CNTN4: variants seen among roughly 807,000 people sequenced by gnomAD.
CNTN4 encodes the protein contactin 4, also known as contactin-4.
A neutral mutation model predicts 122.5 loss-of-function variants in CNTN4; 77 were observed. That is an observed-to-expected ratio of 0.63 (90% confidence interval 0.52 to 0.76). CNTN4 has a LOEUF of 0.76. Among genes scored for constraint, CNTN4 ranks in the 30% least tolerant of loss-of-function variants. CNTN4 has a pLI of 0.00. For missense variants in CNTN4, 1,256 were observed against 1,259.1 expected, an observed-to-expected ratio of 1.00 and a Z score of 0.04; for synonymous variants, 512 against 447.0, an observed-to-expected ratio of 1.15 and a Z score of -1.83.
At chr3:2,141,305 T>C (rs1328702946) in intron 2 of CNTN4, among the ~76,000 whole-genome samples, 1 of 152,162 alleles carries the variant, frequency 6.6e-6, no homozygotes, top group Non-Finnish European at 1.5e-5. Context: ...GGACCTAATA[T>C]TTTATAAGTG....
At chr3:2,521,589 A>C (rs1307670471) in intron 3 of CNTN4, among the ~76,000 whole-genome samples, 1 of 152,134 alleles carries the variant, frequency 6.6e-6, no homozygotes, top group African/African-American at 2.4e-5. Flanking sequence ...AAAGATAATA[A>C]TTTAGAAGTA....
chr3:2,792,241 C>T (rs553147146), intron 6 of CNTN4, among the ~76,000 whole-genome samples: 1 of 152,200 alleles, frequency 6.6e-6, no homozygotes, highest in East Asian at 1.9e-4. Context: ...GTTTTCCTGA[C>T]AAGGATTCTA....
intron 2 of CNTN4, among the ~76,000 whole-genome samples, chr3:2,123,015 A>G (rs950850829): frequency 6.6e-6 from 1 of 152,124 alleles, no homozygotes; most frequent in Non-Finnish European, 1.5e-5. Flanking sequence ...AGCCATTCTG[A>G]TCTTTGAATT....
intron 3 of CNTN4, among the ~76,000 whole-genome samples, chr3:2,404,746 C>A (rs569634733): frequency 2.6e-5 from 4 of 152,240 alleles, no homozygotes; most frequent in African/African-American, 9.6e-5. Context: ...TAAATGGGAA[C>A]CTTTGAGGGA....
At chr3:2,236,455 A>G (rs2039685491) in intron 2 of CNTN4, among the ~76,000 whole-genome samples, 1 of 152,212 alleles carries the variant, frequency 6.6e-6, no homozygotes, top group Non-Finnish European at 1.5e-5. Flanking sequence ...AGTGAAACTG[A>G]CTTTATTCTA....
chr3:2,217,610 C>G (rs1161429252), intron 2 of CNTN4, among the ~76,000 whole-genome samples: 1 of 152,102 alleles, frequency 6.6e-6, no homozygotes, highest in East Asian at 1.9e-4. Context: ...GGTGGCCAAG[C>G]TGCAAATGAC....
At chr3:2,816,302 C>T (rs896198193) in intron 6 of CNTN4, among the ~76,000 whole-genome samples, 7 of 148,116 alleles carry the variant, frequency 4.7e-5, no homozygotes, top group Non-Finnish European at 1.5e-5. Context: ...TGCAATGAGC[C>T]GAGATCGTGG....
chr3:3,054,026 G>A (rs1290361223), intron 24 of CNTN4, 51 bp downstream of exon 24: 2 of 1,589,400 alleles, frequency 1.3e-6, no homozygotes, highest in South Asian at 1.1e-5. Flanking sequence ...TATCTTATCA[G>A]CCTTCCAGAT....
At chr3:2,895,212 A>T (rs916147065) in intron 10 of CNTN4, among the ~76,000 whole-genome samples, 5 of 152,072 alleles carry the variant, frequency 3.3e-5, no homozygotes, top group African/African-American at 1.2e-4. Context: ...CTGACCTCAG[A>T]TGATCCACCT....
In CNTN4 at chr3:2,160,197, A is replaced by C. The variant is rs536667370; in HGVS notation, c.-145+59558A>C. ...CTCACTGTGATCCTTTTATGACTCT[A>C]TAAATATGCTTTCTTTTGAATGCTG... On this transcript the variant is annotated intron_variant, in intron 2 of 24. Transcript: ENST00000418658. Among the ~76,000 whole-genome samples, 20 of 152,292 alleles carry C rather than the reference A, an allele frequency of 1.3e-4. No individual in the cohort carries two copies. In the South Asian group the frequency reaches 2.9e-3, roughly 22 times the overall value.
chr3:2,307,427 T>C (rs2150116219), intron 2 of CNTN4, among the ~76,000 whole-genome samples: 2 of 130,604 alleles, frequency 1.5e-5, no homozygotes, highest in South Asian at 2.3e-4. Context: ...AGAGCAAGAC[T>C]CCATCTCAAA....
At chr3:2,443,935 G>A (rs1291159076) in intron 3 of CNTN4, among the ~76,000 whole-genome samples, 1 of 152,130 alleles carries the variant, frequency 6.6e-6, no homozygotes, top group African/African-American at 2.4e-5. Flanking sequence ...GGACCAAATG[G>A]ATTTACGTAG....
chr3:2,635,906 A>G (rs1469853348), intron 4 of CNTN4, among the ~76,000 whole-genome samples: 2 of 151,974 alleles, frequency 1.3e-5, no homozygotes, highest in African/African-American at 4.8e-5. Flanking sequence ...GAGACACCAG[A>G]CCCCTCACGC....
chr3:2,728,978 T>C (rs1358937606), intron 4 of CNTN4, among the ~76,000 whole-genome samples: 1 of 152,210 alleles, frequency 6.6e-6, no homozygotes, highest in Non-Finnish European at 1.5e-5. Context: ...ATTAAGGGCT[T>C]AAACAAGTTT....
At chr3:2,987,327 C>T (rs1425993939) in intron 13 of CNTN4, among the ~76,000 whole-genome samples, 1 of 152,066 alleles carries the variant, frequency 6.6e-6, no homozygotes, top group African/African-American at 2.4e-5. Flanking sequence ...ATGGCAGAGC[C>T]AAGGATATAG....
chr3:2,220,823 C>G (rs17010593), intron 2 of CNTN4, among the ~76,000 whole-genome samples: 198 of 152,090 alleles, frequency 1.3e-3, no homozygotes, highest in Admixed American at 2.2e-3. Flanking sequence ...TAACTTTTTA[C>G]TCAGGATACA....
intron 7 of CNTN4, among the ~76,000 whole-genome samples, chr3:2,825,318 C>T (rs1032571979): frequency 1.8e-4 from 27 of 152,042 alleles, no homozygotes; most frequent in Admixed American, 1.2e-3. Flanking sequence ...CTCCGCCTCC[C>T]AGTTCAAACA....
chr3:3,006,172 A>G (rs112853232), intron 14 of CNTN4, among the ~76,000 whole-genome samples: 3,284 of 152,214 alleles, frequency 0.022, 53 homozygotes, highest in Admixed American at 0.033. Context: ...CACCGCGCCC[A>G]GCCCACGCTG....
At chr3:2,230,710 T>TG in intron 2 of CNTN4, among the ~76,000 whole-genome samples, 2 of 152,222 alleles carry the variant, frequency 1.3e-5, no homozygotes, top group East Asian at 3.9e-4. Context: ...GAGGGATGGG[T>TG]GCGGTGGCTC....
Sources: gnomAD v4.1 joint callset for allele counts (sites outside exome capture counted in the v4.1 genomes callset) on GRCh38, gnomAD v4.1.1 for gene constraint, MANE v1.5 for transcripts, NCBI Gene and HGNC (gene_info 2026-07-23, HGNC 2026-07-21) for gene names.